The following ARL13B variants were observed in gnomAD, a reference collection of about 807,000 sequenced individuals.
ARL13B encodes ADP-ribosylation factor-like protein 13B.
ARL13B carries 36 observed loss-of-function variants against 56.1 expected under a neutral mutation model. The observed-to-expected ratio is 0.64, with a 90% confidence interval of 0.49 to 0.85. ARL13B has a LOEUF of 0.85. Among genes scored for constraint, ARL13B ranks in the 40% least tolerant of loss-of-function variants. ARL13B has a pLI of 0.00. For synonymous variants in ARL13B, 178 were observed against 171.1 expected (o/e 1.04, Z -0.32); for missense variants, 519 against 507.1 (o/e 1.02, Z -0.23).
In ARL13B at chr3:94,054,156, T is replaced by A. The variant is rs952522444; in HGVS notation, c.*893T>A. ...TCCCTTGTTCCATCAGAAGCTGCAG[T>A]GACTCTTTTAGGTGATTCTAATTCT... is the stretch of plus-strand genomic sequence containing the variant. On this transcript the variant is annotated 3_prime_UTR_variant, in exon 10 of 10. Transcript: ENST00000394222. 1 of 453,314 alleles carries A rather than the reference T, an allele frequency of 2.2e-6. No homozygotes were observed. Among genetic ancestry groups the A allele is most frequent in the African/African-American group, 2.0e-5 (1 of 50,108 alleles). 28.1% of individuals were successfully genotyped at this position (453,314 alleles called of 1,614,324 possible). A position where few individuals can be genotyped will look rare whatever the true frequency, so the allele number is the denominator to read the frequency against.
At chr3:94,012,656 T>C (rs1215333997) in intron 3 of ARL13B, among the ~76,000 whole-genome samples, 2 of 152,126 alleles carry the variant, frequency 1.3e-5, no homozygotes, top group Admixed American at 6.5e-5. Flanking sequence ...CTTCATACTT[T>C]ATCTACTCTG....
At chr3:94,041,847 G>A (rs2076868410) in intron 6 of ARL13B, among the ~76,000 whole-genome samples, 1 of 152,146 alleles carries the variant, frequency 6.6e-6, no homozygotes, top group African/African-American at 2.4e-5. Flanking sequence ...GGCCGAGGTG[G>A]TTGGAGTTCA....
chr3:93,980,382 G>T lies in ARL13B; in HGVS notation c.-42G>T, dbSNP rs766899811. Reference sequence around the variant, plus strand: ...GGGGAAGAGCGGGGTGCCGGTGTCCGCTCCGGGCTCGGATGGGAAGTGGTG... The same window carrying T: ...GGGGAAGAGCGGGGTGCCGGTGTCCTCTCCGGGCTCGGATGGGAAGTGGTG... On this transcript the variant is annotated 5_prime_UTR_variant, in exon 1 of 10. Transcript: ENST00000394222. The T allele has an allele frequency of 3.1e-6, 5 of 1,608,322 alleles. No individual in the cohort carries two copies. In the South Asian group the frequency reaches 5.5e-5, roughly 18 times the overall value.
rs914575650 is a variant in ARL13B, at chr3:94,055,109, GCT to G, written c.*1852_*1853del. On this transcript the variant is annotated 3_prime_UTR_variant, in exon 10 of 10. Coordinates refer to ENST00000394222, the MANE Select transcript of ARL13B (RefSeq NM_001174150.2). Reference sequence around the variant, plus strand: ...TAATATAGAATTCACATTTTATATAGCTCTCTCAAAAATTAATTTTTATTCCT... The same window carrying G: ...TAATATAGAATTCACATTTTATATAGCTCTCAAAAATTAATTTTTATTCCT... The G allele has an allele frequency of 2.7e-6, 1 of 367,482 alleles. No homozygotes were observed. The allele number at this position is 367,482 out of a possible 1,614,324, so 22.8% of individuals were successfully genotyped here. A position where few individuals can be genotyped will look rare whatever the true frequency, so the allele number is the denominator to read the frequency against.
At chr3:94,043,298 C>T (rs1359811856) in intron 7 of ARL13B, 58 bp downstream of exon 7, 9 of 1,396,870 alleles carry the variant, frequency 6.4e-6, no homozygotes, top group East Asian at 2.5e-5. Context: ...AAAACTTATA[C>T]TTCATCTCAT....
At chr3:94,040,267 A>G (rs1415882060) in intron 6 of ARL13B, among the ~76,000 whole-genome samples, 1 of 152,212 alleles carries the variant, frequency 6.6e-6, no homozygotes, top group Non-Finnish European at 1.5e-5. Flanking sequence ...CTGTGTTGAC[A>G]AATCTATTCT....
At chr3:94,005,956 C>T (rs1235823755) in intron 3 of ARL13B, among the ~76,000 whole-genome samples, 1 of 152,050 alleles carries the variant, frequency 6.6e-6, no homozygotes, top group Admixed American at 6.6e-5. Flanking sequence ...GATGAATTTC[C>T]TATGCATGTA....
intron 9 of ARL13B, 63 bp downstream of exon 9, chr3:94,050,955 C>G: frequency 6.8e-7 from 1 of 1,479,884 alleles, no homozygotes. Flanking sequence ...TTTCTTTAGC[C>G]TTATAATTTC....
chr3:93,980,599 C>T, intron 1 of ARL13B, 117 bp downstream of exon 1: 1 of 1,270,496 alleles, frequency 7.9e-7, no homozygotes, highest in Non-Finnish European at 1.1e-6. Context: ...GCAAGGGATG[C>T]TTTCATTCCC....
chr3:93,986,416 A>G (rs1710464641), intron 1 of ARL13B, among the ~76,000 whole-genome samples: 1 of 152,130 alleles, frequency 6.6e-6, no homozygotes, highest in Non-Finnish European at 1.5e-5. Flanking sequence ...TGTTTTTTCG[A>G]TACATTTTTT....
intron 3 of ARL13B, chr3:94,014,646 T>TTGG (rs777104249): frequency 5.0e-6 from 8 of 1,613,636 alleles, no homozygotes; most frequent in Non-Finnish European, 6.8e-6. Context: ...TCTCTGAAAG[T>TTGG]TGTGCTTTAG....
intron 4 of ARL13B, among the ~76,000 whole-genome samples, chr3:94,036,340 T>G (rs900111229): frequency 2.6e-5 from 4 of 152,188 alleles, no homozygotes; most frequent in African/African-American, 9.7e-5. Context: ...ATATCTTACA[T>G]AGTGTACAGA....
At position 94,036,705 on chromosome 3, in the gene ARL13B, CA is replaced by C. The variant is rs2076774697; in HGVS notation, c.642del (p.Glu215ArgfsTer46). 6.2e-7 allele frequency: 1 copy of C among 1,613,518 alleles called. No individual in the cohort carries two copies. Among genetic ancestry groups the C allele is most frequent in the Non-Finnish European group, 8.5e-7 (1 of 1,179,816 alleles). ...AACAGAGCAGCGTGCTCTTGAGGAA[CA>C]AGAGAAACAAGAAAGAGCTGAACGA... ...ETTEQRALEE[Q>X]EKQERAERVR... On this transcript the variant is annotated frameshift_variant, in exon 5 of 10. Coordinates refer to ENST00000394222, the MANE Select transcript of ARL13B (RefSeq NM_001174150.2). LOFTEE classifies it high-confidence loss of function.
In ARL13B at chr3:94,055,543, C is replaced by T. The variant is rs920712421; in HGVS notation, c.*2280C>T. The T allele has an allele frequency of 7.3e-5, 33 of 453,828 alleles. No individual in the cohort carries two copies. The highest frequency in any genetic ancestry group is 1.4e-4 in the Non-Finnish European group (31 of 226,682). 28.1% of individuals were successfully genotyped at this position (453,828 alleles called of 1,614,324 possible). On this transcript the variant is annotated 3_prime_UTR_variant, in exon 10 of 10. Coordinates refer to ENST00000394222, the MANE Select transcript of ARL13B (RefSeq NM_001174150.2). ...ATTTGATGTCTGTCTTGCGTTAAAGCTGTTGGTCAACAGATATGTTTTTAT... is the reference window on the plus strand; with the variant it reads ...ATTTGATGTCTGTCTTGCGTTAAAGTTGTTGGTCAACAGATATGTTTTTAT...
chr3:93,994,893 A>C (rs2075939270), intron 1 of ARL13B, among the ~76,000 whole-genome samples: 1 of 152,122 alleles, frequency 6.6e-6, no homozygotes, highest in African/African-American at 2.4e-5. Flanking sequence ...CGGCCATTTA[A>C]ATTCTGTTTT....
chr3:93,992,003 A>G (rs1315259719), intron 1 of ARL13B, among the ~76,000 whole-genome samples: 3 of 152,222 alleles, frequency 2.0e-5, no homozygotes, highest in Non-Finnish European at 2.9e-5. Flanking sequence ...GAATTATTTT[A>G]TGCCAGTCTC....
At chr3:94,034,332 ATT>A (rs1001926793) in intron 3 of ARL13B, among the ~76,000 whole-genome samples, 1 of 149,930 alleles carries the variant, frequency 6.7e-6, no homozygotes, top group Non-Finnish European at 1.5e-5. Context: ...TATGTACTTA[ATT>A]TTTTTTTTAA....
At chr3:94,030,160 T>C (rs543829362) in intron 3 of ARL13B, among the ~76,000 whole-genome samples, 1 of 152,128 alleles carries the variant, frequency 6.6e-6, no homozygotes, top group Non-Finnish European at 1.5e-5. Flanking sequence ...GGCAGAGAGA[T>C]AGCAAATAGT....
chr3:94,042,263 T>A (rs2076876591), intron 6 of ARL13B, among the ~76,000 whole-genome samples: 1 of 152,158 alleles, frequency 6.6e-6, no homozygotes, highest in African/African-American at 2.4e-5. Context: ...GTTCATTGAT[T>A]CATTTTTTCT....
Sources: gnomAD v4.1 joint callset for allele counts (sites outside exome capture counted in the v4.1 genomes callset) on GRCh38, gnomAD v4.1.1 for gene constraint, MANE v1.5 for transcripts, NCBI Gene and HGNC (gene_info 2026-07-23, HGNC 2026-07-21) for gene names.